BBS9: variants seen among roughly 807,000 people sequenced by gnomAD.
BBS9 encodes protein PTHB1.
A neutral mutation model predicts 117.7 loss-of-function variants in BBS9; 89 were observed. The ratio of observed to expected loss-of-function variants is 0.76; its 90% CI spans 0.64 to 0.90. The LOEUF (loss-of-function observed/expected upper bound fraction) is 0.90. Among genes scored for constraint, BBS9 ranks in the 40% least tolerant of loss-of-function variants. The pLI, the probability that BBS9 is intolerant of heterozygous loss-of-function variation, is 0.00. For synonymous variants in BBS9, 379 were observed against 370.9 expected (o/e 1.02, Z -0.25); for missense variants, 982 against 1,042.2 (o/e 0.94, Z 0.80).
Position 33,262,932 on chromosome 7 carries a change from A to T in BBS9, c.618-1358A>T, listed in dbSNP as rs563058673. On this transcript the variant is annotated intron_variant, in intron 6 of 22. Coordinates refer to ENST00000242067, the MANE Select transcript of BBS9 (RefSeq NM_198428.3). ...ACGTGCATACCTTCTGTTAATTAGC[A>T]CAGGATACTCTGAGTTATACTTAGC... Among the ~76,000 whole-genome samples the T allele has an allele frequency of 3.8e-3, 572 of 152,320 alleles. 1 individual carries two copies. The highest frequency in any genetic ancestry group is 6.5e-3 in the Non-Finnish European group (444 of 68,020).
intron 1 of BBS9, among the ~76,000 whole-genome samples, chr7:33,137,949 A>T (rs190131747): frequency 8.5e-5 from 13 of 152,356 alleles, no homozygotes; most frequent in Admixed American, 7.8e-4. Context: ...TTCTGAAATA[A>T]TTAAGGTAGC....
intron 21 of BBS9, among the ~76,000 whole-genome samples, chr7:33,564,875 A>G (rs1370308624): frequency 6.6e-6 from 1 of 152,220 alleles, no homozygotes; most frequent in Non-Finnish European, 1.5e-5. Flanking sequence ...AATGATTTGT[A>G]CTAATTTTTT....
intron 5 of BBS9, among the ~76,000 whole-genome samples, chr7:33,185,025 T>C (rs1798625103): frequency 1.3e-5 from 2 of 152,364 alleles, no homozygotes; most frequent in East Asian, 3.9e-4. Flanking sequence ...AATTCCCTGA[T>C]GTTGCCATGG....
chr7:33,202,761 C>T (rs1786112674), intron 5 of BBS9, among the ~76,000 whole-genome samples: 1 of 152,170 alleles, frequency 6.6e-6, no homozygotes, highest in Non-Finnish European at 1.5e-5. Context: ...CACCAGGCAC[C>T]TCCTCCAACA....
intron 21 of BBS9, among the ~76,000 whole-genome samples, chr7:33,551,637 C>T (rs1054698477): frequency 2.0e-5 from 3 of 152,086 alleles, no homozygotes; most frequent in East Asian, 3.8e-4. Context: ...ACTGGGGGCA[C>T]AGTGGTAAAT....
At chr7:33,332,549 C>T (rs894878370) in intron 9 of BBS9, among the ~76,000 whole-genome samples, 5 of 151,960 alleles carry the variant, frequency 3.3e-5, no homozygotes, top group African/African-American at 9.7e-5. Flanking sequence ...TGGTGGCAGG[C>T]GCCTGTAATC....
At chr7:33,130,063 T>C (rs1252996255) in intron 1 of BBS9, 22 bp downstream of exon 1, 2 of 152,212 alleles carry the variant, frequency 1.3e-5, no homozygotes, top group African/African-American at 4.8e-5. Flanking sequence ...TGTCTGTTGT[T>C]AAACTTCGGG....
rs1012613979 is a variant in BBS9, at chr7:33,221,505, A to T, written c.443-35731A>T. On this transcript the variant is annotated intron_variant, in intron 5 of 22. Coordinates refer to ENST00000242067, the MANE Select transcript of BBS9 (RefSeq NM_198428.3). ...TTATTTTATTCTAACAAGAAAAAAA[A>T]ATTAGGGAAAACTGCTTTCTACTAT... 2.0e-5 allele frequency among the ~76,000 whole-genome samples: 3 copies of T among 152,348 alleles called. No individual in the cohort carries two copies. The South Asian group carries it at 6.2e-4, about 32-fold the overall frequency.
chr7:33,196,800 A>G (rs564250789), intron 5 of BBS9, among the ~76,000 whole-genome samples: 6 of 152,322 alleles, frequency 3.9e-5, no homozygotes, highest in African/African-American at 1.4e-4. Context: ...GAGTTTTCTC[A>G]TATACATGGC....
At chr7:33,391,527 T>G (rs1358841788) in intron 19 of BBS9, among the ~76,000 whole-genome samples, 2 of 152,338 alleles carry the variant, frequency 1.3e-5, no homozygotes, top group Admixed American at 1.3e-4. Context: ...TTCCTAGGTA[T>G]TATTACTTAT....
At chr7:33,595,782 C>T (rs1340081948) in intron 21 of BBS9, among the ~76,000 whole-genome samples, 4 of 152,076 alleles carry the variant, frequency 2.6e-5, no homozygotes, top group African/African-American at 4.8e-5. Context: ...CAAAACCCAT[C>T]AGTGATAGCC....
chr7:33,419,895 A>G (rs1832597768), intron 19 of BBS9, among the ~76,000 whole-genome samples: 1 of 152,172 alleles, frequency 6.6e-6, no homozygotes, highest in Non-Finnish European at 1.5e-5. Flanking sequence ...CATCAAAGAG[A>G]AAAAAGAAAA....
intron 19 of BBS9, among the ~76,000 whole-genome samples, chr7:33,484,584 A>T (rs1481714253): frequency 6.6e-6 from 1 of 152,226 alleles, no homozygotes; most frequent in African/African-American, 2.4e-5. Context: ...CAAAACCACA[A>T]TGAGATACCA....
intron 15 of BBS9, among the ~76,000 whole-genome samples, chr7:33,356,523 G>A (rs1474159743): frequency 6.6e-6 from 1 of 151,686 alleles, no homozygotes; most frequent in Non-Finnish European, 1.5e-5. Flanking sequence ...TGTTGGTTAT[G>A]AGCAAAAAAT....
At chr7:33,501,638 G>C (rs1845457827) in intron 19 of BBS9, among the ~76,000 whole-genome samples, 1 of 152,166 alleles carries the variant, frequency 6.6e-6, no homozygotes, top group Admixed American at 6.5e-5. Context: ...ACATGTTGTT[G>C]CACTTAGTGA....
intron 5 of BBS9, among the ~76,000 whole-genome samples, chr7:33,194,171 T>C (rs1390111259): frequency 6.6e-6 from 1 of 152,256 alleles, no homozygotes; most frequent in Admixed American, 6.5e-5. Flanking sequence ...AGGTAGAACT[T>C]ATGGTATTAT....
intron 21 of BBS9, among the ~76,000 whole-genome samples, chr7:33,597,884 AAAAC>A (rs1266306384): frequency 0.011 from 1,596 of 151,568 alleles, 26 homozygotes; most frequent in African/African-American, 0.037. Context: ...AAAAAAAAAA[AAAAC>A]AAAACAAAAA....
intron 5 of BBS9, among the ~76,000 whole-genome samples, chr7:33,196,504 C>T (rs1264723341): frequency 3.9e-5 from 6 of 152,118 alleles, no homozygotes; most frequent in Non-Finnish European, 5.9e-5. Context: ...AAAAGATTAA[C>T]GCTGTTTTCC....
intron 7 of BBS9, among the ~76,000 whole-genome samples, chr7:33,271,817 A>G (rs915195230): frequency 1.3e-5 from 2 of 152,176 alleles, no homozygotes; most frequent in Admixed American, 6.5e-5. Context: ...GAAAATTAAC[A>G]AAGATATTCA....
Sources: gnomAD v4.1 joint callset for allele counts (sites outside exome capture counted in the v4.1 genomes callset) on GRCh38, gnomAD v4.1.1 for gene constraint, MANE v1.5 for transcripts, NCBI Gene and HGNC (gene_info 2026-07-23, HGNC 2026-07-21) for gene names.